The following MS4A7 variants were observed in gnomAD, a reference collection of about 807,000 sequenced individuals.
MS4A7 encodes membrane spanning 4-domains A7.
A neutral mutation model predicts 23.5 loss-of-function variants in MS4A7; 21 were observed. The ratio of observed to expected loss-of-function variants is 0.89; its 90% CI spans 0.63 to 1.29. The LOEUF (loss-of-function observed/expected upper bound fraction) is 1.29. Ranked by LOEUF, MS4A7 falls within the 50% of genes most tolerant of loss-of-function variation. The probability of loss-of-function intolerance (pLI) is 0.00; values close to 1 mark genes in which losing one functional copy is unlikely to be tolerated. For synonymous variants in MS4A7, 111 were observed against 107.4 expected, an observed-to-expected ratio of 1.03 and a Z score of -0.21; for missense variants, 263 against 274.2, an observed-to-expected ratio of 0.96 and a Z score of 0.29.
chr11:60,387,798 G>T (rs751365265), intron 4 of MS4A7, among the ~76,000 whole-genome samples: 1 of 152,150 alleles, frequency 6.6e-6, no homozygotes, highest in Non-Finnish European at 1.5e-5. Flanking sequence ...TTAAAAGAGC[G>T]GCTTCAGAGA....
intron 5 of MS4A7, among the ~76,000 whole-genome samples, chr11:60,391,751 T>C (rs370228422): frequency 1.7e-3 from 263 of 152,052 alleles, no homozygotes; most frequent in African/African-American, 6.1e-3. Context: ...AAATGCTGTC[T>C]CTACTAAAAA....
In MS4A7 at chr11:60,394,997, G is replaced by A. The variant is rs1213139247; in HGVS notation, c.*1136G>A. The A allele has an allele frequency of 1.6e-6, 1 of 635,448 alleles. No homozygotes were observed. The highest frequency in any genetic ancestry group is 2.3e-5 in the Admixed American group (1 of 44,192). 39.4% of individuals were successfully genotyped at this position (635,448 alleles called of 1,614,324 possible). ...TCTTAACAAGTTACAGATAATCTCT[G>A]ACTGGCATGTTTTCTGCTTCTAGCT... On this transcript the variant is annotated 3_prime_UTR_variant, in exon 7 of 7. Transcript: ENST00000300184.
At chr11:60,383,909 A>G (rs2085456702) in intron 2 of MS4A7, among the ~76,000 whole-genome samples, 1 of 152,194 alleles carries the variant, frequency 6.6e-6, no homozygotes, top group Non-Finnish European at 1.5e-5. Context: ...ATTTTACTCA[A>G]TATGATTAAA....
intron 3 of MS4A7, chr11:60,386,359 C>T (rs1356548661): frequency 4.8e-6 from 1 of 206,512 alleles, no homozygotes; most frequent in Non-Finnish European, 9.6e-6. Context: ...CTGTTCCAAT[C>T]TCTCTGTCCA....
At chr11:60,388,665 T>C (rs536581129) in intron 4 of MS4A7, among the ~76,000 whole-genome samples, 1 of 152,312 alleles carries the variant, frequency 6.6e-6, no homozygotes, top group East Asian at 1.9e-4. Context: ...AAGCAAAGGC[T>C]TTATAGCTGC....
chr11:60,380,528 T>C (rs1391281416), intron 1 of MS4A7, among the ~76,000 whole-genome samples: 1 of 152,208 alleles, frequency 6.6e-6, no homozygotes, highest in African/African-American at 2.4e-5. Context: ...AGCCTGAAAG[T>C]ATCAATTAAA....
At position 60,394,932 on chromosome 11, in the gene MS4A7, T is replaced by G. The variant is rs2085597882; in HGVS notation, c.*1071T>G. 6 of 647,514 alleles carry G rather than the reference T, an allele frequency of 9.3e-6. No homozygotes were observed. The African/African-American group carries it at 1.1e-4, about 11-fold the overall frequency. 40.1% of individuals were successfully genotyped at this position (647,514 alleles called of 1,614,324 possible). On this transcript the variant is annotated 3_prime_UTR_variant, in exon 7 of 7. Transcript: ENST00000300184. ...TCGTTGGCACATAAACTATGTTCTC[T>G]TCTGTCATTTCAGGGTAGGAGTCAA...
At position 60,393,908 on chromosome 11, in the gene MS4A7, T is replaced by A; in HGVS notation, c.*47T>A. On this transcript the variant is annotated 3_prime_UTR_variant, in exon 7 of 7. Transcript: ENST00000300184. ...AGGAAAAGCAACTCAACACTCATGG[T>A]CAAGTGTGATTAGACTTTCCTGAAA... 7.9e-7 allele frequency: 1 copy of A among 1,265,304 alleles called. No individual in the cohort carries two copies. Among genetic ancestry groups the A allele is most frequent in the South Asian group, 1.3e-5 (1 of 74,888 alleles). 78.4% of individuals were successfully genotyped at this position (1,265,304 alleles called of 1,614,324 possible).
chr11:60,383,208 C>G lies in MS4A7; in HGVS notation c.67C>G (p.Gln23Glu), dbSNP rs781615191. ...TACACCAAAGGGCATCACTATCCCT[C>G]AAAGAGAGAAACCTGGACACATGTA... ...SFTPKGITIP[Q>E]REKPGHMYQN... Residue 23 changes from glutamine (Q) to glutamate (E), a missense_variant, in exon 2 of 7, where the codon CAA becomes GAA. Physicochemically the swap from Gln to Glu is conservative, Grantham distance 29. Coordinates refer to ENST00000300184, the MANE Select transcript of MS4A7 (RefSeq NM_021201.5). 3 of 1,614,158 alleles carry G rather than the reference C, an allele frequency of 1.9e-6. No individual in the cohort carries two copies. In the South Asian group the frequency reaches 3.3e-5, roughly 18 times the overall value.
rs751754509 is a variant in MS4A7 at position 60,386,732 on chromosome 11, T to G, written c.298T>G (p.Ser100Ala). The G allele has an allele frequency of 1.8e-5, 29 of 1,613,172 alleles. No individual in the cohort carries two copies. In the South Asian group the frequency reaches 3.1e-4, roughly 17 times the overall value. ...TTCTGGGCAGTTTGGCATTACTGGA[T>G]CCCTCTCAATTATCTCTGGAAAACA... ...LGALCFGITG[S>A]LSIISGKQST... Residue 100 changes from serine to alanine, a missense_variant, in exon 4 of 7, where the codon TCC becomes GCC. Transcript: ENST00000300184.
chr11:60,382,168 C>T (rs2085437273), intron 1 of MS4A7, among the ~76,000 whole-genome samples: 1 of 152,170 alleles, frequency 6.6e-6, no homozygotes, highest in South Asian at 2.1e-4. Flanking sequence ...CCCAGCAATG[C>T]TGCTGAGTTA....
Position 60,393,923 on chromosome 11 carries a change from C to A in MS4A7, c.*62C>A. ...ACACTCATGGTCAAGTGTGATTAGA[C>A]TTTCCTGAAATCTCTGCCATTTTAG... On this transcript the variant is annotated 3_prime_UTR_variant, in exon 7 of 7. Transcript: ENST00000300184. 3 of 1,085,526 alleles carry A rather than the reference C, an allele frequency of 2.8e-6. No individual in the cohort carries two copies. The highest frequency in any genetic ancestry group is 4.0e-6 in the Non-Finnish European group (3 of 755,560). 67.2% of individuals were successfully genotyped at this position (1,085,526 alleles called of 1,614,324 possible).
chr11:60,386,586 C>T, intron 3 of MS4A7, 131 bp from the exon 4 acceptor site: 1 of 685,838 alleles, frequency 1.5e-6, no homozygotes, highest in Non-Finnish European at 2.6e-6. Context: ...AATATAGATC[C>T]ACAAGATTTC....
At chr11:60,389,747 G>A (rs2135105342) in intron 5 of MS4A7, 151 bp downstream of exon 5, 1 of 687,068 alleles carries the variant, frequency 1.5e-6, no homozygotes, top group Non-Finnish European at 2.6e-6. Flanking sequence ...GAAGAGGCCT[G>A]TCTGCTGACT....
chr11:60,389,715 A>C (rs2085531202), intron 5 of MS4A7, 119 bp downstream of exon 5: 1 of 898,056 alleles, frequency 1.1e-6, no homozygotes, highest in Admixed American at 1.9e-5. Flanking sequence ...GACAGACAGA[A>C]ATAAACAAAA....
rs374555968 is a variant in MS4A7 at position 60,385,233 on chromosome 11, T to C, written c.282+11T>C. ...TTAGGAGCTCTGTGTGTGAGTAGAA[T>C]GGGGACTCTAAGAGGGGACATGCTT... On this transcript the variant is annotated intron_variant, in intron 3 of 6. Coordinates refer to ENST00000300184, the MANE Select transcript of MS4A7 (RefSeq NM_021201.5). The C allele has an allele frequency of 6.2e-7, 1 of 1,614,000 alleles. No homozygotes were observed. Among genetic ancestry groups the C allele is most frequent in the Non-Finnish European group, 8.5e-7 (1 of 1,179,926 alleles).
At chr11:60,383,867 G>T (rs1008087911) in intron 2 of MS4A7, among the ~76,000 whole-genome samples, 1 of 152,122 alleles carries the variant, frequency 6.6e-6, no homozygotes, top group African/African-American at 2.4e-5. Flanking sequence ...TTTGTCATTA[G>T]TACAGTAAAA....
intron 5 of MS4A7, among the ~76,000 whole-genome samples, chr11:60,390,364 C>A (rs1278376863): frequency 1.3e-5 from 2 of 152,198 alleles, no homozygotes; most frequent in Middle Eastern, 3.2e-3. Flanking sequence ...AAACCATAAA[C>A]CAGTGGCCTT....
At chr11:60,391,631 A>G (rs1268838645) in intron 5 of MS4A7, among the ~76,000 whole-genome samples, 1 of 152,230 alleles carries the variant, frequency 6.6e-6, no homozygotes, top group Non-Finnish European at 1.5e-5. Flanking sequence ...AAAGTAATAG[A>G]AACCAGGCCA....
Sources: gnomAD v4.1 joint callset for allele counts (sites outside exome capture counted in the v4.1 genomes callset) on GRCh38, gnomAD v4.1.1 for gene constraint, MANE v1.5 for transcripts, NCBI Gene and HGNC (gene_info 2026-07-23, HGNC 2026-07-21) for gene names.